LEF1: variants seen among roughly 807,000 people sequenced by gnomAD.
LEF1 encodes the protein lymphoid enhancer-binding factor 1.
In LEF1, 14 loss-of-function variants were observed where a neutral mutation model predicts 51.2. The observed-to-expected ratio is 0.27, with a 90% CI of 0.18 to 0.43. The LOEUF (loss-of-function observed/expected upper bound fraction) is 0.43, where lower values mean the gene tolerates loss of function less well. Among genes scored for constraint, LEF1 ranks in the 20% least tolerant of loss-of-function variants. LEF1 has a pLI of 1.00. For synonymous variants in LEF1, 185 were observed against 183.2 expected (o/e 1.01, Z -0.08); for missense variants, 386 against 512.0 (o/e 0.75, Z 2.37).
chr4:108,074,890 CAGCAGGA>C (rs1354788876), intron 8 of LEF1, among the ~76,000 whole-genome samples: 1 of 152,188 alleles, frequency 6.6e-6, no homozygotes, highest in Non-Finnish European at 1.5e-5. Flanking sequence ...TCTCTGTATT[CAGCAGGA>C]AAGTAATTCC....
chr4:108,141,408 A>G (rs1743641677), intron 3 of LEF1, among the ~76,000 whole-genome samples: 1 of 152,056 alleles, frequency 6.6e-6, no homozygotes, highest in African/African-American at 2.4e-5. Context: ...TCATATGTCT[A>G]TAATTGTCAT....
At chr4:108,140,066 T>TAC (rs146234304) in intron 3 of LEF1, among the ~76,000 whole-genome samples, 140 of 151,888 alleles carry the variant, frequency 9.2e-4, no homozygotes, top group African/African-American at 1.1e-3. Flanking sequence ...AACATAAAAA[T>TAC]ACACACACAC....
chr4:108,165,303 G>A (rs1420612914), intron 1 of LEF1, 140 bp from the exon 2 acceptor site: 6 of 740,440 alleles, frequency 8.1e-6, no homozygotes, highest in African/African-American at 7.0e-5. Flanking sequence ...AGAGACATAC[G>A]CTAGTGTTTA....
intron 3 of LEF1, among the ~76,000 whole-genome samples, chr4:108,106,190 G>C (rs538495827): frequency 5.3e-4 from 80 of 152,298 alleles, no homozygotes; most frequent in Middle Eastern, 6.8e-3. Context: ...ATGTTAAGGT[G>C]CTATCCCAAG....
chr4:108,151,569 G>A (rs1437161520), intron 3 of LEF1, among the ~76,000 whole-genome samples: 9 of 152,062 alleles, frequency 5.9e-5, no homozygotes, highest in South Asian at 2.1e-4. Context: ...GTTTACAGTC[G>A]TCCTTACCCT....
chr4:108,067,295 G>A (rs1738141226), intron 9 of LEF1, among the ~76,000 whole-genome samples: 1 of 152,164 alleles, frequency 6.6e-6, no homozygotes, highest in South Asian at 2.1e-4. Context: ...CCATCAACAT[G>A]GAGAAGAGAG....
intron 9 of LEF1, among the ~76,000 whole-genome samples, chr4:108,066,795 G>A (rs1052982120): frequency 3.3e-5 from 5 of 152,026 alleles, no homozygotes; most frequent in Non-Finnish European, 5.9e-5. Context: ...ATATTGGAAA[G>A]CATTAAAAAC....
chr4:108,111,539 T>A (rs1041738953), intron 3 of LEF1, among the ~76,000 whole-genome samples: 1 of 152,180 alleles, frequency 6.6e-6, no homozygotes, highest in African/African-American at 2.4e-5. Context: ...CAGCCCTAAC[T>A]GTCATTTATT....
At chr4:108,060,420 C>A (rs1455203537) in intron 11 of LEF1, among the ~76,000 whole-genome samples, 2 of 152,160 alleles carry the variant, frequency 1.3e-5, no homozygotes, top group East Asian at 1.9e-4. Context: ...ACGCTGGGCA[C>A]AATCCTTCAC....
rs2110432892 is a variant in LEF1, at chr4:108,167,493, C to T, written c.213+62G>A. The T allele has an allele frequency of 2.6e-6, 4 of 1,564,170 alleles. No homozygotes were observed. The highest frequency in any genetic ancestry group is 1.1e-5 in the South Asian group (1 of 87,380). On this transcript the variant is annotated intron_variant, in intron 1 of 11. Coordinates refer to ENST00000265165, the MANE Select transcript of LEF1 (RefSeq NM_016269.5). The surrounding 1 kb of genome is among the most constrained non-coding windows in gnomAD (Gnocchi z 5.7). ...GGCCGGGCGCCTTCGTTCCCTTCCT[C>T]CCTCTCTGAGTTTCCCAGGGACCCG...
intron 3 of LEF1, among the ~76,000 whole-genome samples, chr4:108,151,518 T>G (rs1430863224): frequency 6.6e-6 from 1 of 152,210 alleles, no homozygotes; most frequent in Admixed American, 6.5e-5. Context: ...TTACCAGTTG[T>G]GCAATCAGGG....
At chr4:108,139,502 C>T (rs896126256) in intron 3 of LEF1, among the ~76,000 whole-genome samples, 2 of 152,210 alleles carry the variant, frequency 1.3e-5, no homozygotes, top group Non-Finnish European at 2.9e-5. Flanking sequence ...GCACAGATCA[C>T]AGGGCAAGGT....
At chr4:108,092,348 T>C (rs145265914) in intron 3 of LEF1, among the ~76,000 whole-genome samples, 11 of 152,344 alleles carry the variant, frequency 7.2e-5, no homozygotes, top group African/African-American at 1.9e-4. Context: ...TTCAATAGCA[T>C]GTGTGAGCAG....
chr4:108,053,463 G>A (rs986029590), intron 11 of LEF1, among the ~76,000 whole-genome samples: 3 of 152,160 alleles, frequency 2.0e-5, no homozygotes, highest in Non-Finnish European at 1.5e-5. Flanking sequence ...GAAGCTGGAG[G>A]TGGGAGGAAA....
intron 3 of LEF1, among the ~76,000 whole-genome samples, chr4:108,157,177 TATACACAC>T (rs1324220455): frequency 2.1e-4 from 19 of 89,370 alleles, no homozygotes; most frequent in South Asian, 7.7e-4. Flanking sequence ...TCTATATATA[TATACACAC>T]ACACACACAC....
At chr4:108,096,404 T>G (rs994780723) in intron 3 of LEF1, among the ~76,000 whole-genome samples, 7 of 152,170 alleles carry the variant, frequency 4.6e-5, no homozygotes, top group Non-Finnish European at 7.3e-5. Flanking sequence ...TGGTTCATCT[T>G]TTCTGGATCA....
In LEF1 at chr4:108,138,754, T is replaced by C. The variant is rs560366161; in HGVS notation, c.414+24814A>G. Among the ~76,000 whole-genome samples the C allele has an allele frequency of 7.9e-5, 12 of 152,334 alleles. No homozygotes were observed. The South Asian group carries it at 8.3e-4, about 11-fold the overall frequency. On this transcript the variant is annotated intron_variant, in intron 3 of 11. Transcript: ENST00000265165. ...ACTGCCTATATGAGAATAGAAGAGC[T>C]GAGAATTTAGGGCTGAGAACATCAG...
chr4:108,092,701 G>A (rs939130122), intron 3 of LEF1, among the ~76,000 whole-genome samples: 5 of 150,184 alleles, frequency 3.3e-5, no homozygotes, highest in African/African-American at 9.7e-5. Flanking sequence ...AACTATCTAA[G>A]TGTTTGTAGA....
At chr4:108,099,388 A>G (rs1396905824) in intron 3 of LEF1, among the ~76,000 whole-genome samples, 1 of 151,408 alleles carries the variant, frequency 6.6e-6, no homozygotes, top group Non-Finnish European at 1.5e-5. Context: ...TGTATGGAAA[A>G]GAACTCTTAT....
Sources: gnomAD v4.1 joint callset for allele counts (sites outside exome capture counted in the v4.1 genomes callset) on GRCh38, gnomAD v4.1.1 for gene constraint, Gnocchi (gnomAD v3.1) non-coding constraint, MANE v1.5 for transcripts, NCBI Gene and HGNC (gene_info 2026-07-23, HGNC 2026-07-21) for gene names.